CNTLN: variants seen among roughly 807,000 people sequenced by gnomAD.
CNTLN encodes the protein centlein, also known as centlein, centrosomal protein.
CNTLN carries 212 observed loss-of-function variants against 180.0 expected under a neutral mutation model. That is an observed-to-expected ratio of 1.18 (90% confidence interval 1.05 to 1.32). The LOEUF is 1.32. Among genes scored for constraint, CNTLN ranks in the 40% most tolerant of loss-of-function variants. The pLI is 0.00. For synonymous variants in CNTLN, 722 were observed against 563.1 expected (o/e 1.28, Z -3.99); for missense variants, 2,095 against 1,610.9 (o/e 1.30, Z -5.14).
At chr9:17,339,467 T>C (rs1039389353) in intron 10 of CNTLN, among the ~76,000 whole-genome samples, 2 of 152,222 alleles carry the variant, frequency 1.3e-5, no homozygotes, top group Admixed American at 1.3e-4. Context: ...TAAACCTCTT[T>C]TTTCTCTTCC....
intron 6 of CNTLN, among the ~76,000 whole-genome samples, chr9:17,297,719 G>T (rs987031376): frequency 6.6e-6 from 1 of 152,152 alleles, no homozygotes; most frequent in African/African-American, 2.4e-5. Context: ...AACTAGAATT[G>T]GCAGTTGTGC....
intron 15 of CNTLN, among the ~76,000 whole-genome samples, chr9:17,398,852 G>A (rs1826740870): frequency 6.6e-6 from 1 of 152,146 alleles, no homozygotes; most frequent in Non-Finnish European, 1.5e-5. Flanking sequence ...TTCAGAAAAA[G>A]CAGTTACAAG....
intron 13 of CNTLN, among the ~76,000 whole-genome samples, chr9:17,379,820 A>C (rs1380501195): frequency 6.6e-6 from 1 of 152,148 alleles, no homozygotes; most frequent in East Asian, 1.9e-4. Context: ...CATGTCATCC[A>C]AAAAAACTCA....
intron 23 of CNTLN, among the ~76,000 whole-genome samples, chr9:17,478,940 A>G (rs947853794): frequency 6.6e-6 from 1 of 152,226 alleles, no homozygotes; most frequent in Non-Finnish European, 1.5e-5. Context: ...CAAATGACCA[A>G]CAGAAACAAA....
chr9:17,291,131 C>G (rs1201285506), intron 6 of CNTLN, among the ~76,000 whole-genome samples: 1 of 152,100 alleles, frequency 6.6e-6, no homozygotes, highest in African/African-American at 2.4e-5. Flanking sequence ...GTTTCTTTAT[C>G]TTGAGTTATA....
chr9:17,367,243 A>G (rs1449002135), intron 13 of CNTLN, among the ~76,000 whole-genome samples: 1 of 152,220 alleles, frequency 6.6e-6, no homozygotes, highest in Non-Finnish European at 1.5e-5. Context: ...TTGCCCTGTC[A>G]TAGCAGAGAG....
rs539397068 is a variant in CNTLN at position 17,229,221 on chromosome 9, A to G, written c.534+2934A>G. ...GAGTTTCAAGAAGCAAAATGTTGTC[A>G]TTGTCGTAAAATGCTGCAAAAAATG... is the stretch of plus-strand genomic sequence containing the variant. On this transcript the variant is annotated intron_variant, in intron 3 of 25. Transcript: ENST00000380647. Among the ~76,000 whole-genome samples the G allele has an allele frequency of 1.8e-4, 27 of 152,240 alleles. 1 individual carries two copies. In the East Asian group the frequency reaches 5.2e-3, roughly 29 times the overall value.
chr9:17,196,200 C>CT (rs1370597543), intron 2 of CNTLN, among the ~76,000 whole-genome samples: 1 of 151,860 alleles, frequency 6.6e-6, no homozygotes, highest in Non-Finnish European at 1.5e-5. Flanking sequence ...ATTTTTCTAT[C>CT]TTTGAGAGGC....
intron 6 of CNTLN, among the ~76,000 whole-genome samples, chr9:17,289,756 A>G (rs1293876494): frequency 7.0e-6 from 1 of 142,558 alleles, no homozygotes; most frequent in Non-Finnish European, 1.5e-5. Context: ...CATTTCATTC[A>G]TTTCATCTTC....
Position 17,215,398 on chromosome 9 carries a change from A to C in CNTLN, c.450-10805A>C, listed in dbSNP as rs147280340. Among the ~76,000 whole-genome samples the C allele has an allele frequency of 4.9e-3, 751 of 152,290 alleles. 8 individuals carry two copies. Among genetic ancestry groups the C allele is most frequent in the African/African-American group, 0.017 (720 of 41,574 alleles). On this transcript the variant is annotated intron_variant, in intron 2 of 25. Transcript: ENST00000380647. Reference sequence around the variant, plus strand: ...GCTGAACAGCAAATGTTGCTGCCTGATCATTCCTCTGGAAGCTTCATCTCA... The same window carrying C: ...GCTGAACAGCAAATGTTGCTGCCTGCTCATTCCTCTGGAAGCTTCATCTCA...
intron 5 of CNTLN, among the ~76,000 whole-genome samples, chr9:17,262,018 C>G (rs1409668060): frequency 6.6e-6 from 1 of 151,534 alleles, no homozygotes; most frequent in Non-Finnish European, 1.5e-5. Flanking sequence ...ATCAAAACCA[C>G]TATGAGATAC....
chr9:17,464,430 A>T, intron 20 of CNTLN, 67 bp from the exon 21 acceptor site: 1 of 1,359,530 alleles, frequency 7.4e-7, no homozygotes, highest in South Asian at 1.4e-5. Context: ...TATTGGATAA[A>T]ATGTAAGATA....
At chr9:17,446,829 C>G (rs1366049877) in intron 18 of CNTLN, among the ~76,000 whole-genome samples, 2 of 152,038 alleles carry the variant, frequency 1.3e-5, no homozygotes, top group African/African-American at 2.4e-5. Context: ...TAGCACACCA[C>G]AAGGACAAGA....
chr9:17,398,660 C>A (rs1480359700), intron 15 of CNTLN, among the ~76,000 whole-genome samples: 1 of 152,080 alleles, frequency 6.6e-6, no homozygotes, highest in East Asian at 1.9e-4. Context: ...TAAGTTGTTT[C>A]TTTTTTATTT....
intron 12 of CNTLN, among the ~76,000 whole-genome samples, chr9:17,354,543 A>G (rs902354756): frequency 7.2e-5 from 11 of 152,166 alleles, no homozygotes; most frequent in Middle Eastern, 3.4e-3. Context: ...GAGTGCACCA[A>G]TCAACACTCT....
chr9:17,264,595 C>A (rs371704538), intron 5 of CNTLN, among the ~76,000 whole-genome samples: 2 of 151,826 alleles, frequency 1.3e-5, no homozygotes, highest in African/African-American at 4.8e-5. Flanking sequence ...TCATTGGTAG[C>A]TTGATGGGGA....
intron 15 of CNTLN, among the ~76,000 whole-genome samples, 198 bp from the exon 16 acceptor site, chr9:17,409,095 T>C (rs1369656739): frequency 6.6e-6 from 1 of 152,208 alleles, no homozygotes; most frequent in Non-Finnish European, 1.5e-5. Context: ...TAATCTGTTT[T>C]CTTGATGGGA....
At chr9:17,486,716 A>T (rs1392197700) in intron 24 of CNTLN, among the ~76,000 whole-genome samples, 2 of 152,106 alleles carry the variant, frequency 1.3e-5, no homozygotes, top group African/African-American at 4.8e-5. Context: ...TCACCCCCAT[A>T]TTAGCCCCTA....
chr9:17,230,129 G>A (rs1824718421), intron 3 of CNTLN, among the ~76,000 whole-genome samples: 1 of 152,184 alleles, frequency 6.6e-6, no homozygotes, highest in Admixed American at 6.5e-5. Flanking sequence ...GAAATAGCCA[G>A]ATTGGTTACA....
Sources: allele counts gnomAD v4.1 joint callset (sites outside exome capture counted in the v4.1 genomes callset), GRCh38; gene constraint gnomAD v4.1.1; transcripts MANE v1.5; gene names NCBI Gene and HGNC (gene_info 2026-07-23, HGNC 2026-07-21).